CSMD1: variants seen among roughly 807,000 people sequenced by gnomAD.
The protein encoded by CSMD1 is CUB and Sushi multiple domains 1.
Under a neutral mutation model 417.5 loss-of-function variants are expected in CSMD1, and 213 were observed. The ratio of observed to expected loss-of-function variants is 0.51; its 90% CI spans 0.46 to 0.57. The LOEUF (loss-of-function observed/expected upper bound fraction) is 0.57, where lower values mean the gene tolerates loss of function less well. Among genes scored for constraint, CSMD1 ranks in the 20% least tolerant of loss-of-function variants. The probability of loss-of-function intolerance (pLI) is 0.00; values close to 1 mark genes in which losing one functional copy is unlikely to be tolerated. For missense variants in CSMD1, 6,923 were observed against 4,529.7 expected (o/e 1.53, Z -15.17); for synonymous variants, 2,862 against 1,736.8 (o/e 1.65, Z -16.11).
rs935520439 is a variant in CSMD1, at chr8:4,054,095, C to T, written c.416-21996G>A. 1.2e-4 allele frequency among the ~76,000 whole-genome samples: 18 copies of T among 152,134 alleles called. 1 individual carries two copies. Among genetic ancestry groups the T allele is most frequent in the African/African-American group, 4.1e-4 (17 of 41,406 alleles). ...CTCTCTCTGTCGCAGTTCACTACAC[C>T]AGCTGCTAATGGTCTCTAAGCAGCC... On this transcript the variant is annotated intron_variant, in intron 3 of 69. Transcript: ENST00000635120.
chr8:3,493,506 G>C (rs1796224349), intron 11 of CSMD1, 117 bp downstream of exon 11: 3 of 720,660 alleles, frequency 4.2e-6, no homozygotes, highest in South Asian at 1.8e-5. Context: ...ATTAGCCATA[G>C]ATGGCACTAA....
intron 1 of CSMD1, among the ~76,000 whole-genome samples, chr8:4,899,714 C>T (rs1804741152): frequency 6.6e-6 from 1 of 152,146 alleles, no homozygotes; most frequent in Non-Finnish European, 1.5e-5. Flanking sequence ...AATTTCTAAT[C>T]ATATCTCACT....
Position 4,134,963 on chromosome 8 carries a change from T to G in CSMD1, c.416-102864A>C, listed in dbSNP as rs1585390915. On this transcript the variant is annotated intron_variant, in intron 3 of 69. Transcript: ENST00000635120. ...CTCAACCAACACATCTGTTGTATAC[T>G]AGGCAGGCTCAGCTTAGTGTCTGGG... 1.3e-5 allele frequency among the ~76,000 whole-genome samples: 2 copies of G among 152,202 alleles called. 1 individual carries two copies. Among genetic ancestry groups the G allele is most frequent in the South Asian group, 4.1e-4 (2 of 4,832 alleles).
intron 1 of CSMD1, among the ~76,000 whole-genome samples, chr8:4,893,023 C>T (rs940138491): frequency 5.3e-5 from 8 of 152,110 alleles, no homozygotes; most frequent in African/African-American, 1.9e-4. Context: ...TTGTAATTTG[C>T]ATGGTCAATG....
rs143082225 is a variant in CSMD1, at chr8:4,209,533, G to T, written c.416-177434C>A. ...CTCCTCTCTGGGAAACAGGAGCCGC[G>T]TGAGATTCCTTGCTGCCATGCTGCC... On this transcript the variant is annotated intron_variant, in intron 3 of 69. Transcript: ENST00000635120. 2.5e-3 allele frequency among the ~76,000 whole-genome samples: 376 copies of T among 152,262 alleles called. 1 individual carries two copies. Among genetic ancestry groups the T allele is most frequent in the African/African-American group, 8.7e-3 (363 of 41,568 alleles).
intron 1 of CSMD1, among the ~76,000 whole-genome samples, chr8:4,752,284 G>A (rs6989364): frequency 0.45 from 67,838 of 151,822 alleles, 15,871 homozygotes; most frequent in East Asian, 0.62. Context: ...TCATTTATGA[G>A]CATTTAAAAT....
chr8:3,118,316 T>G, intron 42 of CSMD1, 83 bp downstream of exon 42: 1 of 936,478 alleles, frequency 1.1e-6, no homozygotes, highest in Non-Finnish European at 1.6e-6. Context: ...ATTAATAAAT[T>G]ACTGGATATG....
intron 3 of CSMD1, among the ~76,000 whole-genome samples, chr8:4,222,108 A>G (rs545685671): frequency 6.6e-6 from 1 of 150,816 alleles, no homozygotes; most frequent in Non-Finnish European, 1.5e-5. Flanking sequence ...AAACCAACAA[A>G]AAAAAAAAAC....
intron 2 of CSMD1, among the ~76,000 whole-genome samples, chr8:4,607,393 A>G (rs1395125085): frequency 6.6e-6 from 1 of 152,188 alleles, no homozygotes; most frequent in Non-Finnish European, 1.5e-5. Flanking sequence ...TTGCTGGAGA[A>G]TAGAAAATTG....
At chr8:3,903,562 T>G (rs1224417338) in intron 5 of CSMD1, among the ~76,000 whole-genome samples, 3 of 152,200 alleles carry the variant, frequency 2.0e-5, no homozygotes, top group African/African-American at 7.2e-5. Flanking sequence ...AATTTCAATG[T>G]GTAGAATATT....
chr8:3,217,368 T>A (rs1176641383), intron 29 of CSMD1, among the ~76,000 whole-genome samples: 1 of 152,262 alleles, frequency 6.6e-6, no homozygotes. Context: ...AAGTTCTTTC[T>A]TCATGCAACC....
At chr8:3,824,750 G>C (rs950382574) in intron 5 of CSMD1, among the ~76,000 whole-genome samples, 2 of 152,020 alleles carry the variant, frequency 1.3e-5, no homozygotes, top group Middle Eastern at 6.3e-3. Flanking sequence ...AATGAGATGT[G>C]GCTCACATTG....
At chr8:3,403,702 G>A (rs1426450050) in intron 15 of CSMD1, among the ~76,000 whole-genome samples, 1 of 152,120 alleles carries the variant, frequency 6.6e-6, no homozygotes, top group Non-Finnish European at 1.5e-5. Context: ...TCTTTCTCCT[G>A]AAAATTCATG....
At chr8:4,529,491 A>G (rs1196351057) in intron 2 of CSMD1, among the ~76,000 whole-genome samples, 1 of 152,202 alleles carries the variant, frequency 6.6e-6, no homozygotes, top group Non-Finnish European at 1.5e-5. Context: ...ATTTATAACT[A>G]TTATTTAATT....
intron 3 of CSMD1, among the ~76,000 whole-genome samples, chr8:4,223,890 A>T (rs1215481449): frequency 6.6e-6 from 1 of 152,166 alleles, no homozygotes; most frequent in African/African-American, 2.4e-5. Context: ...GGAAAATTAA[A>T]ATGCTTATCA....
intron 1 of CSMD1, among the ~76,000 whole-genome samples, chr8:4,688,854 G>A (rs1000841986): frequency 7.2e-5 from 11 of 152,172 alleles, no homozygotes; most frequent in Admixed American, 6.6e-5. Flanking sequence ...GTAGACAGGG[G>A]AAATGAAGAT....
At chr8:3,829,250 C>T (rs1037032166) in intron 5 of CSMD1, among the ~76,000 whole-genome samples, 3 of 152,248 alleles carry the variant, frequency 2.0e-5, no homozygotes, top group Non-Finnish European at 2.9e-5. Context: ...CATAGCTTAG[C>T]TCCCACATAT....
intron 3 of CSMD1, among the ~76,000 whole-genome samples, chr8:4,189,790 T>A (rs1437937867): frequency 6.6e-6 from 1 of 152,222 alleles, no homozygotes; most frequent in East Asian, 1.9e-4. Flanking sequence ...AGGATAATTT[T>A]ATCTTGTTGC....
intron 2 of CSMD1, among the ~76,000 whole-genome samples, chr8:4,614,355 A>G (rs1005890990): frequency 6.6e-6 from 1 of 152,132 alleles, no homozygotes; most frequent in Non-Finnish European, 1.5e-5. Context: ...CATTACCTCC[A>G]TGGCTTGTCT....
Sources: gnomAD v4.1 joint callset for allele counts (sites outside exome capture counted in the v4.1 genomes callset) on GRCh38, gnomAD v4.1.1 for gene constraint, MANE v1.5 for transcripts, NCBI Gene and HGNC (gene_info 2026-07-23, HGNC 2026-07-21) for gene names.